STIM2: variants seen among roughly 807,000 people sequenced by gnomAD.
STIM2 encodes stromal interaction molecule 2.
In STIM2, 31 loss-of-function variants were observed where a neutral mutation model predicts 85.8. The ratio of observed to expected loss-of-function variants is 0.36; its 90% CI spans 0.27 to 0.49. The LOEUF is 0.49. Among genes scored for constraint, STIM2 ranks in the 20% least tolerant of loss-of-function variants. STIM2 has a pLI of 0.98. For missense variants in STIM2, 841 were observed against 927.6 expected, an observed-to-expected ratio of 0.91 and a Z score of 1.21; for synonymous variants, 356 against 331.1, an observed-to-expected ratio of 1.08 and a Z score of -0.82.
At chr4:26,920,861 C>G (rs1315598622) in intron 2 of STIM2, among the ~76,000 whole-genome samples, 1 of 152,142 alleles carries the variant, frequency 6.6e-6, no homozygotes, top group Non-Finnish European at 1.5e-5. Context: ...TCTTGTTGTT[C>G]AGTTGCACCT....
At chr4:27,016,303 T>C (rs962265634) in intron 10 of STIM2, among the ~76,000 whole-genome samples, 3 of 152,212 alleles carry the variant, frequency 2.0e-5, no homozygotes, top group Non-Finnish European at 2.9e-5. Context: ...GTTACAGCAG[T>C]TTCTTGTGTT....
Position 26,954,757 on chromosome 4 carries a change from C to G in STIM2, c.283-2855C>G, listed in dbSNP as rs529634496. On this transcript the variant is annotated intron_variant, in intron 2 of 11. Coordinates refer to ENST00000467087, the MANE Select transcript of STIM2 (RefSeq NM_020860.4). ...TGTGTTTGGTTCATTTAAACATTTT[C>G]TAAACAAAAATATTTCTAATTATAC... Among the ~76,000 whole-genome samples, 6 of 147,918 alleles carry G rather than the reference C, an allele frequency of 4.1e-5. 1 individual carries two copies. Among genetic ancestry groups the G allele is most frequent in the Non-Finnish European group, 8.9e-5 (6 of 67,166 alleles).
chr4:26,960,416 A>G (rs1383388590), intron 3 of STIM2, among the ~76,000 whole-genome samples: 3 of 152,244 alleles, frequency 2.0e-5, no homozygotes, highest in Non-Finnish European at 2.9e-5. Context: ...ACACACATAC[A>G]TACACATGCA....
intron 1 of STIM2, among the ~76,000 whole-genome samples, chr4:26,914,933 C>A (rs976203985): frequency 6.6e-6 from 1 of 152,166 alleles, no homozygotes; most frequent in African/African-American, 2.4e-5. Flanking sequence ...CAGTCAGCTT[C>A]TCAGCCAGGT....
At chr4:26,966,288 T>C (rs1726714028) in intron 3 of STIM2, among the ~76,000 whole-genome samples, 1 of 152,196 alleles carries the variant, frequency 6.6e-6, no homozygotes, top group South Asian at 2.1e-4. Flanking sequence ...CATTTTCCTT[T>C]ATCCATCTTT....
At chr4:26,885,565 T>TCTTATTCAATCTTCATAC (rs1460465249) in intron 1 of STIM2, among the ~76,000 whole-genome samples, 3 of 152,008 alleles carry the variant, frequency 2.0e-5, no homozygotes, top group Non-Finnish European at 4.4e-5. Context: ...GAATTGTAAA[T>TCTTATTCAATCTTCATAC]CTTGATGGTA....
intron 2 of STIM2, among the ~76,000 whole-genome samples, chr4:26,957,043 C>T (rs967416918): frequency 2.0e-5 from 3 of 152,014 alleles, no homozygotes; most frequent in East Asian, 1.9e-4. Flanking sequence ...TCCCTCTTCC[C>T]CTGCGGATAC....
At chr4:26,872,451 T>C (rs1246031524) in intron 1 of STIM2, among the ~76,000 whole-genome samples, 29 of 152,166 alleles carry the variant, frequency 1.9e-4, no homozygotes, top group Admixed American at 1.9e-3. Flanking sequence ...TATAAAAAAT[T>C]TAGAACATAC....
In STIM2 at chr4:26,914,902, G is replaced by A. The variant is rs182312425; in HGVS notation, c.152-4602G>A. 2.8e-4 allele frequency among the ~76,000 whole-genome samples: 43 copies of A among 152,286 alleles called. 1 individual carries two copies. Among genetic ancestry groups the A allele is most frequent in the African/African-American group, 1.0e-3 (42 of 41,562 alleles). ...GTGTCTGATGATCTCCTTCCACGGG[G>A]CACATTTATGCTTCTTGGTGCAGTC... On this transcript the variant is annotated intron_variant, in intron 1 of 11. Transcript: ENST00000467087.
At chr4:26,946,941 A>G (rs1213384574) in intron 2 of STIM2, among the ~76,000 whole-genome samples, 1 of 152,252 alleles carries the variant, frequency 6.6e-6, no homozygotes, top group East Asian at 1.9e-4. Flanking sequence ...TTATTTGACT[A>G]TATTTTAGGA....
intron 3 of STIM2, among the ~76,000 whole-genome samples, chr4:26,975,027 A>G (rs1200371451): frequency 6.6e-6 from 1 of 152,082 alleles, no homozygotes; most frequent in Non-Finnish European, 1.5e-5. Flanking sequence ...ACTTGATCAA[A>G]TTGGCTATTG....
chr4:26,877,642 C>T (rs1160722779), intron 1 of STIM2, among the ~76,000 whole-genome samples: 5 of 151,972 alleles, frequency 3.3e-5, no homozygotes, highest in Admixed American at 6.6e-5. Context: ...TTTGTCACTG[C>T]TTGGGCTGGT....
intron 2 of STIM2, among the ~76,000 whole-genome samples, chr4:26,956,358 G>A (rs1354326369): frequency 6.6e-6 from 1 of 151,862 alleles, no homozygotes. Flanking sequence ...ATAAAATGGA[G>A]TTTGCTTTTT....
At chr4:26,871,856 T>C (rs1722630152) in intron 1 of STIM2, among the ~76,000 whole-genome samples, 2 of 152,150 alleles carry the variant, frequency 1.3e-5, no homozygotes, top group African/African-American at 2.4e-5. Context: ...TTTCCACTTT[T>C]GTATAGTGTG....
intron 1 of STIM2, among the ~76,000 whole-genome samples, chr4:26,912,277 T>C (rs1724374166): frequency 6.6e-6 from 1 of 152,232 alleles, no homozygotes; most frequent in Admixed American, 6.5e-5. Flanking sequence ...ACACTGTTAG[T>C]GGGCTGCAGT....
chr4:26,968,337 A>G (rs1389461169), intron 3 of STIM2, among the ~76,000 whole-genome samples: 2 of 152,200 alleles, frequency 1.3e-5, no homozygotes, highest in Admixed American at 1.3e-4. Context: ...GAATATGCAT[A>G]CAATGGAATA....
chr4:26,865,900 T>G (rs191901831), intron 1 of STIM2, among the ~76,000 whole-genome samples: 20 of 152,304 alleles, frequency 1.3e-4, no homozygotes, highest in African/African-American at 4.6e-4. Context: ...TTTATTAAAC[T>G]GTTCCTATGT....
At chr4:26,865,133 C>G (rs908085360) in intron 1 of STIM2, among the ~76,000 whole-genome samples, 10 of 152,168 alleles carry the variant, frequency 6.6e-5, no homozygotes, top group Admixed American at 2.6e-4. Context: ...TATTCTCTTT[C>G]TCTTTCCCCT....
intron 2 of STIM2, among the ~76,000 whole-genome samples, chr4:26,940,506 C>G (rs1400404107): frequency 6.6e-6 from 1 of 152,120 alleles, no homozygotes; most frequent in Non-Finnish European, 1.5e-5. Context: ...CACTGCCTTC[C>G]TTAAAAACAC....
Sources: gnomAD v4.1 joint callset for allele counts (sites outside exome capture counted in the v4.1 genomes callset) on GRCh38, gnomAD v4.1.1 for gene constraint, MANE v1.5 for transcripts, NCBI Gene and HGNC (gene_info 2026-07-23, HGNC 2026-07-21) for gene names.